Variants in TAOK3 observed in about 807,000 individuals in gnomAD.
TAOK3 encodes serine/threonine-protein kinase TAO3.
A neutral mutation model predicts 120.4 loss-of-function variants in TAOK3; 40 were observed. The observed-to-expected ratio is 0.33, with a 90% confidence interval of 0.26 to 0.43. The LOEUF is 0.43. Among genes scored for constraint, TAOK3 ranks in the 20% least tolerant of loss-of-function variants. The pLI, the probability that TAOK3 is intolerant of heterozygous loss-of-function variation, is 1.00. For missense variants in TAOK3, 821 were observed against 1,112.1 expected, an observed-to-expected ratio of 0.74 and a Z score of 3.72; for synonymous variants, 355 against 387.5, an observed-to-expected ratio of 0.92 and a Z score of 0.99.
At chr12:118,172,415 G>A (rs776758371) in intron 17 of TAOK3, 42 bp downstream of exon 17, 61 of 1,582,894 alleles carry the variant, frequency 3.9e-5, no homozygotes, top group Admixed American at 6.7e-5. Flanking sequence ...ATAGCATATT[G>A]TCTCCTATGT....
chr12:118,207,858 T>TCACACATACACACA (rs1555221796), intron 11 of TAOK3, among the ~76,000 whole-genome samples: 1 of 144,350 alleles, frequency 6.9e-6, no homozygotes, highest in Non-Finnish European at 1.5e-5. Context: ...AGACTCTGTC[T>TCACACATACACACA]CACACACACA....
At chr12:118,260,355 T>C (rs2041173277) in intron 2 of TAOK3, among the ~76,000 whole-genome samples, 1 of 152,166 alleles carries the variant, frequency 6.6e-6, no homozygotes, top group African/African-American at 2.4e-5. Flanking sequence ...CTTAACTGTG[T>C]TCCAGAACAA....
chr12:118,180,358 A>C (rs543434073), intron 15 of TAOK3, among the ~76,000 whole-genome samples: 133 of 151,656 alleles, frequency 8.8e-4, no homozygotes, highest in Non-Finnish European at 1.0e-3. Context: ...TTCCTGCCTC[A>C]GCCTCCCAAT....
intron 1 of TAOK3, among the ~76,000 whole-genome samples, chr12:118,304,730 A>C (rs554594337): frequency 6.6e-6 from 1 of 152,330 alleles, no homozygotes; most frequent in African/African-American, 2.4e-5. Flanking sequence ...CAATTTGTTC[A>C]GATAATGTTC....
At chr12:118,320,201 G>A (rs2043643802) in intron 1 of TAOK3, among the ~76,000 whole-genome samples, 2 of 152,158 alleles carry the variant, frequency 1.3e-5, no homozygotes, top group Admixed American at 1.3e-4. Context: ...GGGAAATGGG[G>A]AGTAAGTGCT....
At chr12:118,157,252 C>T (rs2034899736) in intron 19 of TAOK3, among the ~76,000 whole-genome samples, 1 of 152,198 alleles carries the variant, frequency 6.6e-6, no homozygotes. Flanking sequence ...AATATCCATT[C>T]TTCCCATCTC....
At chr12:118,201,185 C>T (rs1413334807) in intron 12 of TAOK3, 111 bp downstream of exon 12, 44 of 1,002,590 alleles carry the variant, frequency 4.4e-5, no homozygotes, top group Non-Finnish European at 5.4e-5. Context: ...TTTCTTAAGG[C>T]GGACAGCATC....
intron 1 of TAOK3, among the ~76,000 whole-genome samples, chr12:118,344,008 T>C (rs1259199670): frequency 7.5e-6 from 1 of 134,098 alleles, no homozygotes; most frequent in Non-Finnish European, 1.6e-5. Flanking sequence ...CGAGACTGTC[T>C]AAAAAAAAAA....
chr12:118,196,006 C>T (rs890878317), intron 13 of TAOK3, among the ~76,000 whole-genome samples: 2 of 151,618 alleles, frequency 1.3e-5, no homozygotes, highest in African/African-American at 4.9e-5. Context: ...ACTGAGATCG[C>T]GCCACTGCAC....
At chr12:118,300,964 C>T (rs1426913620) in intron 1 of TAOK3, among the ~76,000 whole-genome samples, 4 of 151,948 alleles carry the variant, frequency 2.6e-5, no homozygotes, top group Admixed American at 1.3e-4. Context: ...TTAGTAGAGA[C>T]GGGGTTTCAC....
intron 15 of TAOK3, 43 bp from the exon 16 acceptor site, chr12:118,177,372 A>G (rs1360665060): frequency 1.3e-6 from 2 of 1,597,952 alleles, no homozygotes; most frequent in Admixed American, 3.4e-5. Flanking sequence ...TCTATTCTTT[A>G]CACAGAATTC....
chr12:118,279,687 G>A (rs1327542959), intron 1 of TAOK3, among the ~76,000 whole-genome samples: 2 of 150,344 alleles, frequency 1.3e-5, no homozygotes, highest in East Asian at 2.0e-4. Context: ...GGATTCAAGC[G>A]ATTCTTCTGC....
chr12:118,342,478 C>A (rs79102915), intron 1 of TAOK3, among the ~76,000 whole-genome samples: 1 of 152,034 alleles, frequency 6.6e-6, no homozygotes, highest in African/African-American at 2.4e-5. Flanking sequence ...AGGTTAGAAA[C>A]GTGTCATCCA....
intron 1 of TAOK3, among the ~76,000 whole-genome samples, chr12:118,318,061 T>C (rs764442123): frequency 2.6e-5 from 4 of 151,888 alleles, no homozygotes; most frequent in Non-Finnish European, 4.4e-5. Context: ...TGGATATCCA[T>C]AGGCCAAAAA....
At chr12:118,226,528 G>A (rs1859605627) in intron 9 of TAOK3, among the ~76,000 whole-genome samples, 5 of 142,936 alleles carry the variant, frequency 3.5e-5, no homozygotes, top group East Asian at 4.0e-4. Context: ...GCGAGACTCC[G>A]TCTAAAAAAA....
chr12:118,367,635 A>T (rs2141325184), intron 1 of TAOK3, among the ~76,000 whole-genome samples: 1 of 152,314 alleles, frequency 6.6e-6, no homozygotes, highest in East Asian at 1.9e-4. Flanking sequence ...AATTGTCACA[A>T]ATTAAATTCC....
rs560060599 is a variant in TAOK3 at position 118,203,026 on chromosome 12, C to T, written c.820-1563G>A. 2.4e-4 allele frequency among the ~76,000 whole-genome samples: 37 copies of T among 152,044 alleles called. 1 individual carries two copies. In the South Asian group the frequency reaches 7.1e-3, roughly 29 times the overall value. ...AACTCCTGAGCTCAAGTGATCCACC[C>T]GCCTCAGCCTCCCAAAGTGTTGGGA... On this transcript the variant is annotated intron_variant, in intron 11 of 20. Transcript: ENST00000392533.
At chr12:118,227,899 G>T (rs982439470) in intron 9 of TAOK3, among the ~76,000 whole-genome samples, 2 of 151,988 alleles carry the variant, frequency 1.3e-5, no homozygotes, top group African/African-American at 4.8e-5. Context: ...TCCCCCAAAG[G>T]AATATATATT....
At chr12:118,174,729 C>T (rs2036216112) in intron 16 of TAOK3, among the ~76,000 whole-genome samples, 1 of 151,234 alleles carries the variant, frequency 6.6e-6, no homozygotes, top group Admixed American at 6.6e-5. Context: ...GTGGTGTGAT[C>T]TCGGCTTACT....
Sources: allele counts gnomAD v4.1 joint callset (sites outside exome capture counted in the v4.1 genomes callset), GRCh38; gene constraint gnomAD v4.1.1; transcripts MANE v1.5; gene names NCBI Gene and HGNC (gene_info 2026-07-23, HGNC 2026-07-21).